Variants in CPZ observed in about 807,000 individuals in gnomAD.
CPZ encodes VEZT/CPZ fusion.
Under a neutral mutation model 61.8 loss-of-function variants are expected in CPZ, and 103 were observed. The ratio of observed to expected loss-of-function variants is 1.67; its 90% CI spans 1.42 to 1.96. The LOEUF (loss-of-function observed/expected upper bound fraction) is 1.96, where lower values mean the gene tolerates loss of function less well. Among genes scored for constraint, CPZ ranks in the 30% most tolerant of loss-of-function variants. The pLI is 0.00. For missense variants in CPZ, 1,461 were observed against 914.9 expected (o/e 1.60, Z -7.70); for synonymous variants, 551 against 373.7 (o/e 1.47, Z -5.47).
rs1714954244 is a variant in CPZ at position 8,605,933 on chromosome 4, C to A, written c.710-56C>A. 1.9e-6 allele frequency: 3 copies of A among 1,560,758 alleles called. No homozygotes were observed. The Admixed American group carries it at 5.1e-5, about 27-fold the overall frequency. ...TCTTGCTGAGTGGGGGGGCCTCATG[C>A]CTTTGGGGACCCCCGGCTTTGAGAT... On this transcript the variant is annotated intron_variant, in intron 4 of 10. Coordinates refer to ENST00000360986, the MANE Select transcript of CPZ (RefSeq NM_001014447.3).
intron 7 of CPZ, among the ~76,000 whole-genome samples, chr4:8,609,639 C>G (rs112090009): frequency 0.033 from 5,004 of 152,306 alleles, 143 homozygotes; most frequent in Non-Finnish European, 0.048. Flanking sequence ...AGCCTCAGAG[C>G]TGGCAGGGCA....
Position 8,619,576 on chromosome 4 carries a change from T to A in CPZ, c.1918T>A (p.Ser640Thr), listed in dbSNP as rs1311161340. 8 of 1,530,422 alleles carry A rather than the reference T, an allele frequency of 5.2e-6. No homozygotes were observed. Among genetic ancestry groups the A allele is most frequent in the East Asian group, 2.3e-5 (1 of 43,844 alleles). The allele number at this position is 1,530,422 out of a possible 1,614,324, so 94.8% of individuals were successfully genotyped here. A position where few individuals can be genotyped will look rare whatever the true frequency, so the allele number is the denominator to read the frequency against. ...GCCCTGGTGGTGGTCCTACTTCACA[T>A]CGCTGAGCACCCACAGGCCACGCTG... is the stretch of plus-strand genomic sequence containing the variant. The part of the protein sequence containing the change: ...SKPWWWSYFT[S>T]LSTHRPRWLL... Residue 640 changes from serine (S) to threonine (T), a missense_variant, in exon 11 of 11, where the codon TCG becomes ACG. Coordinates refer to ENST00000360986, the MANE Select transcript of CPZ (RefSeq NM_001014447.3).
chr4:8,615,130 G>T (rs1716054697), intron 9 of CPZ, among the ~76,000 whole-genome samples: 1 of 152,116 alleles, frequency 6.6e-6, no homozygotes, highest in South Asian at 2.1e-4. Context: ...AGAGGCTGGG[G>T]GCGGGGCAGG....
rs188994605 is a variant in CPZ at position 8,618,926 on chromosome 4, C to A, written c.1604-336C>A. Among the ~76,000 whole-genome samples, 237 of 151,034 alleles carry A rather than the reference C, an allele frequency of 1.6e-3. 1 individual carries two copies. Among genetic ancestry groups the A allele is most frequent in the Admixed American group, 4.4e-3 (67 of 15,196 alleles). Reference sequence around the variant, plus strand: ...GCTGTCCTTACAGGAATTTCACAGCCGATGAAAAATGACGGTATGCTGTGA... The same window carrying A: ...GCTGTCCTTACAGGAATTTCACAGCAGATGAAAAATGACGGTATGCTGTGA... On this transcript the variant is annotated intron_variant, in intron 10 of 10. Coordinates refer to ENST00000360986, the MANE Select transcript of CPZ (RefSeq NM_001014447.3).
At chr4:8,595,085 A>G (rs1393505124) in intron 1 of CPZ, among the ~76,000 whole-genome samples, 2 of 152,238 alleles carry the variant, frequency 1.3e-5, no homozygotes, top group Non-Finnish European at 2.9e-5. Context: ...AACAGATTCT[A>G]TTTAACCCAA....
Position 8,607,202 on chromosome 4 carries a change from C to T in CPZ, c.1069-65C>T, listed in dbSNP as rs1577116937. The T allele has an allele frequency of 4.5e-6, 7 of 1,546,636 alleles. No individual in the cohort carries two copies. The East Asian group carries it at 1.6e-4, about 35-fold the overall frequency. Reference sequence around the variant, plus strand: ...TGGAGCCCAGAGGGCTGCTGAAGCCCAGGGCATGGCTGCGGGCCAGTGGGA... The same window carrying T: ...TGGAGCCCAGAGGGCTGCTGAAGCCTAGGGCATGGCTGCGGGCCAGTGGGA... On this transcript the variant is annotated intron_variant, in intron 6 of 10. Coordinates refer to ENST00000360986, the MANE Select transcript of CPZ (RefSeq NM_001014447.3).
In CPZ at chr4:8,612,731, C is replaced by T. The variant is rs187494099; in HGVS notation, c.1363+569C>T. 7.2e-5 allele frequency among the ~76,000 whole-genome samples: 11 copies of T among 152,290 alleles called. No individual in the cohort carries two copies. In the East Asian group the frequency reaches 9.7e-4, roughly 13 times the overall value. On this transcript the variant is annotated intron_variant, in intron 8 of 10. Transcript: ENST00000360986. ...GCCACTGTGTGTCCTGAGGGGTACC[C>T]GCCAGACCAGGCACACATGCTCTGG...
At chr4:8,611,054 G>A (rs528519946) in intron 7 of CPZ, 52 of 370,366 alleles carry the variant, frequency 1.4e-4, no homozygotes, top group Non-Finnish European at 1.6e-4. Context: ...TCACGCATTC[G>A]CTCACTCACT....
At chr4:8,599,737 T>C (rs1205362665) in intron 2 of CPZ, 9 of 808,908 alleles carry the variant, frequency 1.1e-5, no homozygotes, top group Non-Finnish European at 1.6e-5. Context: ...AGATGTCCTC[T>C]CCATCCCTCT....
intron 1 of CPZ, among the ~76,000 whole-genome samples, chr4:8,594,409 C>T (rs1292766360): frequency 6.6e-6 from 1 of 152,224 alleles, no homozygotes; most frequent in African/African-American, 2.4e-5. Flanking sequence ...TCCCTGTCCT[C>T]ACTGGAGCCT....
In CPZ at chr4:8,607,263, G is replaced by A. The variant is rs200800800; in HGVS notation, c.1069-4G>A. 6 of 1,613,948 alleles carry A rather than the reference G, an allele frequency of 3.7e-6. No homozygotes were observed. Among genetic ancestry groups the A allele is most frequent in the Admixed American group, 3.3e-5 (2 of 60,008 alleles). ...CTGAGGGCGGCCTCGTCTGTCCTGG[G>A]CAGGTGGCCCCGGAGACAAAGGCAA... On this transcript the variant is annotated splice_polypyrimidine_tract_variant and splice_region_variant and intron_variant, in intron 6 of 10. Transcript: ENST00000360986.
chr4:8,603,707 T>G, intron 3 of CPZ: 3 of 539,106 alleles, frequency 5.6e-6, no homozygotes, highest in Non-Finnish European at 9.9e-6. Flanking sequence ...CTGCTCCGTA[T>G]TTTAGGAGCT....
intron 9 of CPZ, among the ~76,000 whole-genome samples, chr4:8,616,293 G>A (rs554020767): frequency 1.4e-4 from 21 of 152,256 alleles, no homozygotes; most frequent in South Asian, 2.1e-4. Context: ...GGGGAGGGGC[G>A]GCGTGGCAGC....
intron 3 of CPZ, chr4:8,601,939 T>G: frequency 6.3e-6 from 1 of 157,498 alleles, no homozygotes; most frequent in Non-Finnish European, 1.4e-5. Context: ...GGCATTTACA[T>G]CCCCCGGGAG....
At chr4:8,605,472 A>G (rs757263880) in intron 4 of CPZ, among the ~76,000 whole-genome samples, 60 of 151,860 alleles carry the variant, frequency 4.0e-4, no homozygotes, top group Middle Eastern at 3.2e-3. Context: ...CCATCCATTC[A>G]TGCATCAATT....
chr4:8,606,298 G>GC, intron 5 of CPZ, 113 bp downstream of exon 5: 1 of 1,095,580 alleles, frequency 9.1e-7, no homozygotes, highest in Non-Finnish European at 1.3e-6. Flanking sequence ...TCTAGGAGAG[G>GC]AGCATTCAGC....
At chr4:8,608,785 G>C (rs1207106673) in intron 7 of CPZ, among the ~76,000 whole-genome samples, 1 of 152,108 alleles carries the variant, frequency 6.6e-6, no homozygotes, top group East Asian at 1.9e-4. Context: ...CCAGCTGCAG[G>C]GCAGGGAGGG....
At chr4:8,611,510 T>C (rs1215455978) in intron 7 of CPZ, among the ~76,000 whole-genome samples, 1 of 152,118 alleles carries the variant, frequency 6.6e-6, no homozygotes, top group Non-Finnish European at 1.5e-5. Context: ...AGGGGCTTCC[T>C]GCAGGCTGAG....
At chr4:8,617,636 G>A (rs1254543552) in intron 9 of CPZ, among the ~76,000 whole-genome samples, 1 of 152,192 alleles carries the variant, frequency 6.6e-6, no homozygotes, top group Non-Finnish European at 1.5e-5. Flanking sequence ...CCTTTCCCTT[G>A]AGAATCTGTT....
Sources: gnomAD v4.1 joint callset for allele counts (sites outside exome capture counted in the v4.1 genomes callset) on GRCh38, gnomAD v4.1.1 for gene constraint, MANE v1.5 for transcripts, NCBI Gene and HGNC (gene_info 2026-07-23, HGNC 2026-07-21) for gene names.